The following MBD3 variants were observed in gnomAD, a reference collection of about 807,000 sequenced individuals.
The protein encoded by MBD3 is methyl-CpG binding domain protein 3.
In MBD3, 13 loss-of-function variants were observed where a neutral mutation model predicts 31.2. The observed-to-expected ratio is 0.42, with a 90% CI of 0.27 to 0.66. The LOEUF (loss-of-function observed/expected upper bound fraction) is 0.66. Ranked by LOEUF, MBD3 falls within the 30% of genes least tolerant of loss-of-function variation. The pLI, the probability that MBD3 is intolerant of heterozygous loss-of-function variation, is 0.26. For missense variants in MBD3, 440 were observed against 426.5 expected (o/e 1.03, Z -0.28); for synonymous variants, 223 against 187.4 (o/e 1.19, Z -1.55).
rs934342039 is a variant in MBD3 at position 1,585,012 on chromosome 19, G to T, written c.270+43C>A. On this transcript the variant is annotated intron_variant, in intron 2 of 6. Transcript: ENST00000434436. The surrounding 1 kb of genome is among the most constrained non-coding windows in gnomAD (Gnocchi z 4.1). The stretch of plus-strand genomic sequence containing the variant: ...CACGTCATGGCCGCGTCCCCGCCTA[G>T]AACGCCCCGCGCCGACGTCACCTGC... 6.2e-7 allele frequency: 1 copy of T among 1,604,218 alleles called. No individual in the cohort carries two copies.
At chr19:1,584,832 AGGGTCGGTCCGGCC>A in intron 2 of MBD3, 155 bp from the exon 3 acceptor site, 1 of 976,754 alleles carries the variant, frequency 1.0e-6, no homozygotes. Flanking sequence ...CCGCTCCCGC[AGGGTCGGTCCGGCC>A]GGCTCTGGAA....
At position 1,578,805 on chromosome 19, in the gene MBD3, G is replaced by T. The variant is rs931229051; in HGVS notation, c.678-267C>A. On this transcript the variant is annotated intron_variant, in intron 5 of 6. Transcript: ENST00000434436. This position sits in a 1 kb window ranked among gnomAD's most constrained non-coding sequence, Gnocchi z 6.1. ...ACCAAGGGAGGGGCCTGACCCTTCA[G>T]TCCCCAGACTTGGCCCTGAGCCTCC... Among the ~76,000 whole-genome samples, 1 of 152,150 alleles carries T rather than the reference G, an allele frequency of 6.6e-6. No homozygotes were observed. Among genetic ancestry groups the T allele is most frequent in the African/African-American group, 2.4e-5 (1 of 41,442 alleles).
chr19:1,579,004 C>T (rs192298326), intron 5 of MBD3, among the ~76,000 whole-genome samples: 4 of 151,792 alleles, frequency 2.6e-5, no homozygotes, highest in African/African-American at 9.7e-5. Flanking sequence ...ACCAACATGA[C>T]GAAACCCCAT....
chr19:1,584,117 G>A (rs953208732), intron 3 of MBD3, among the ~76,000 whole-genome samples: 38 of 152,018 alleles, frequency 2.5e-4, no homozygotes, highest in African/African-American at 9.2e-4. Flanking sequence ...GAGTCACCGC[G>A]TGAGGCCATA....
intron 4 of MBD3, among the ~76,000 whole-genome samples, chr19:1,581,917 G>A (rs1285609818): frequency 4.6e-5 from 7 of 151,992 alleles, no homozygotes; most frequent in African/African-American, 1.2e-4. Context: ...ACAGGCGGCC[G>A]CCACTACACC....
chr19:1,579,211 C>G lies in MBD3; in HGVS notation c.678-673G>C, dbSNP rs1000964681. Among the ~76,000 whole-genome samples the G allele has an allele frequency of 1.0e-3, 119 of 119,242 alleles. 2 individuals are homozygous for G. Among genetic ancestry groups the G allele is most frequent in the African/African-American group, 3.6e-3 (111 of 30,812 alleles). 78.2% of individuals were successfully genotyped at this position (119,242 alleles called of 152,430 possible). The stretch of plus-strand genomic sequence containing the variant: ...AAAAAAAAAAAAAAAAAAAAAAAAG[C>G]AAGCCTCACCAAAATCAGCTACCAT... On this transcript the variant is annotated intron_variant, in intron 5 of 6. Coordinates refer to ENST00000434436, the MANE Select transcript of MBD3 (RefSeq NM_001281453.2).
chr19:1,589,241 G>A (rs1053478591), intron 1 of MBD3, among the ~76,000 whole-genome samples: 2 of 147,868 alleles, frequency 1.4e-5, no homozygotes, highest in Non-Finnish European at 3.0e-5. Context: ...CGAGGCAGGA[G>A]AATTGCTTGA....
chr19:1,587,347 C>A (rs1250673842), intron 1 of MBD3, among the ~76,000 whole-genome samples: 4 of 152,190 alleles, frequency 2.6e-5, no homozygotes, highest in Non-Finnish European at 5.9e-5. Flanking sequence ...AGCAGTCCTC[C>A]CATCTTCCCT....
chr19:1,581,505 G>A (rs1236903663), intron 4 of MBD3: 4 of 584,958 alleles, frequency 6.8e-6, no homozygotes, highest in Admixed American at 2.8e-5. Flanking sequence ...CATCTTGGGA[G>A]GGCGAGGTGG....
intron 1 of MBD3, 39 bp downstream of exon 1, chr19:1,592,483 A>T: frequency 8.6e-7 from 1 of 1,157,480 alleles, no homozygotes; most frequent in Non-Finnish European, 1.2e-6. Context: ...CGCTGGGAGG[A>T]GCCCGTTGAG....
Position 1,592,489 on chromosome 19 carries a change from T to C in MBD3, c.110+33A>G, listed in dbSNP as rs768096185. 14 of 1,235,370 alleles carry C rather than the reference T, an allele frequency of 1.1e-5. No individual in the cohort carries two copies. The African/African-American group carries it at 1.5e-4, about 13-fold the overall frequency. 76.5% of individuals were successfully genotyped at this position (1,235,370 alleles called of 1,614,324 possible). A position where few individuals can be genotyped will look rare whatever the true frequency, so the allele number is the denominator to read the frequency against. On this transcript the variant is annotated intron_variant, in intron 1 of 6. Coordinates refer to ENST00000434436, the MANE Select transcript of MBD3 (RefSeq NM_001281453.2). ...CGCAGAGGCCGCTGGGAGGAGCCCG[T>C]TGAGGCCCTGCGCGGCCGGCGCGCT... is the stretch of plus-strand genomic sequence containing the variant.
At position 1,576,971 on chromosome 19, in the gene MBD3, G is replaced by A. The variant is rs1036641953; in HGVS notation, c.*1193C>T. 2 of 152,434 alleles carry A rather than the reference G, an allele frequency of 1.3e-5. No homozygotes were observed. The highest frequency in any genetic ancestry group is 2.4e-5 in the African/African-American group (1 of 41,598). The allele number at this position is 152,434 out of a possible 1,614,324, so 9.4% of individuals were successfully genotyped here. On this transcript the variant is annotated 3_prime_UTR_variant, in exon 7 of 7. Transcript: ENST00000434436. ...GTGGAGCGGCGCTTCCTCAGCTCCC[G>A]CGGTCAGGCCCCATCAGGGATGGTC...
Position 1,578,403 on chromosome 19 carries a change from G to C in MBD3, c.813C>G (p.Asp271Glu). The part of the protein sequence containing the change: ...PLDKACAEDD[D>E]EEDEEEEEEE... The stretch of plus-strand genomic sequence containing the variant: ...CCTCCTCCTCCTCCTCGTCTTCCTC[G>C]TCGTCGTCCTCAGCGCAGGCCTTGT... The change falls in exon 6 of 7, where the codon GAC becomes GAG. Residue 271 changes from aspartate (D) to glutamate (E), a missense_variant. Physicochemically the swap from Asp to Glu is conservative, Grantham distance 45. This residue lies in a region of MBD3 where 117 missense variants were observed against 95.0 expected (regional missense o/e 1.23). Coordinates refer to ENST00000434436, the MANE Select transcript of MBD3 (RefSeq NM_001281453.2). The surrounding 1 kb of genome is among the most constrained non-coding windows in gnomAD (Gnocchi z 6.1). 1.9e-6 allele frequency: 3 copies of C among 1,604,340 alleles called. No homozygotes were observed. The highest frequency in any genetic ancestry group is 2.5e-6 in the Non-Finnish European group (3 of 1,179,682).
chr19:1,578,286 C>T lies in MBD3; in HGVS notation c.*5+49G>A. The T allele has an allele frequency of 6.3e-7, 1 of 1,597,834 alleles. No individual in the cohort carries two copies. Among genetic ancestry groups the T allele is most frequent in the Non-Finnish European group, 8.5e-7 (1 of 1,178,906 alleles). The stretch of plus-strand genomic sequence containing the variant: ...AGCACATCTGTGTTCACCAGGCAGT[C>T]CCCACTGCCAGGACCCGACTCCAGG... On this transcript the variant is annotated intron_variant, in intron 6 of 6. Coordinates refer to ENST00000434436, the MANE Select transcript of MBD3 (RefSeq NM_001281453.2). This position sits in a 1 kb window ranked among gnomAD's most constrained non-coding sequence, Gnocchi z 6.1.
chr19:1,587,961 G>T (rs1416432749), intron 1 of MBD3, among the ~76,000 whole-genome samples: 1 of 152,210 alleles, frequency 6.6e-6, no homozygotes, highest in Non-Finnish European at 1.5e-5. Flanking sequence ...GATGCCAGAT[G>T]TCAGACAACT....
At chr19:1,580,912 A>T (rs971907237) in intron 5 of MBD3, among the ~76,000 whole-genome samples, 180 bp downstream of exon 5, 1 of 152,180 alleles carries the variant, frequency 6.6e-6, no homozygotes, top group Non-Finnish European at 1.5e-5. Context: ...TGAACCCAGG[A>T]CGCGGGTGAA....
intron 2 of MBD3, 161 bp from the exon 3 acceptor site, chr19:1,584,838 G>A (rs1206320785): frequency 2.1e-6 from 2 of 966,052 alleles, no homozygotes; most frequent in South Asian, 1.8e-5. Context: ...CCGCAGGGTC[G>A]GTCCGGCCGG....
intron 4 of MBD3, among the ~76,000 whole-genome samples, chr19:1,582,014 G>A (rs146120399): frequency 0.011 from 1,705 of 152,162 alleles, 32 homozygotes; most frequent in African/African-American, 0.038. Flanking sequence ...TGATCCGCCC[G>A]CCTTGGCCTC....
chr19:1,584,717 C>A, intron 2 of MBD3, 40 bp from the exon 3 acceptor site: 2 of 1,595,552 alleles, frequency 1.3e-6, no homozygotes, highest in Non-Finnish European at 1.7e-6. Flanking sequence ...TGGGGGCGCC[C>A]CGGCGGCGCG....
Sources: gnomAD v4.1 joint callset for allele counts (sites outside exome capture counted in the v4.1 genomes callset) on GRCh38, gnomAD v4.1.1 for gene constraint, gnomAD v4.1.1 regional missense constraint, Gnocchi (gnomAD v3.1) non-coding constraint, MANE v1.5 for transcripts, NCBI Gene and HGNC (gene_info 2026-07-23, HGNC 2026-07-21) for gene names.